Variants in SPART observed in about 807,000 individuals in gnomAD.
The protein encoded by SPART is spastic paraplegia 20 (Troyer syndrome).
A neutral mutation model predicts 58.7 loss-of-function variants in SPART; 35 were observed. The ratio of observed to expected loss-of-function variants is 0.60; its 90% CI spans 0.46 to 0.79. SPART has a LOEUF of 0.79. Ranked by LOEUF, SPART falls within the 30% of genes least tolerant of loss-of-function variation. The probability of loss-of-function intolerance (pLI) is 0.00; values close to 1 mark genes in which losing one functional copy is unlikely to be tolerated. For missense variants in SPART, 730 were observed against 786.1 expected (o/e 0.93, Z 0.85); for synonymous variants, 284 against 280.7 (o/e 1.01, Z -0.12).
At chr13:36,306,134 C>T (rs184599719) in intron 8 of SPART, among the ~76,000 whole-genome samples, 1 of 152,252 alleles carries the variant, frequency 6.6e-6, no homozygotes, top group East Asian at 1.9e-4. Flanking sequence ...TCAAACCTTC[C>T]AAGTCTGTAC....
intron 1 of SPART, among the ~76,000 whole-genome samples, chr13:36,355,489 T>G (rs1036679936): frequency 1.3e-5 from 2 of 152,192 alleles, no homozygotes; most frequent in African/African-American, 4.8e-5. Context: ...AAGGGACAGC[T>G]ATTTTCAGTC....
intron 5 of SPART, among the ~76,000 whole-genome samples, chr13:36,322,899 C>A (rs1224777422): frequency 6.6e-6 from 1 of 152,164 alleles, no homozygotes; most frequent in Non-Finnish European, 1.5e-5. Flanking sequence ...GAAGACTGTA[C>A]TAGGCCAATG....
chr13:36,348,255 A>G (rs1369574357), upstream of SPART, among the ~76,000 whole-genome samples: 1 of 152,230 alleles, frequency 6.6e-6, no homozygotes, highest in African/African-American at 2.4e-5. Context: ...ACTGCACCCC[A>G]GCCTGGGCAA....
rs1883461649 is a variant in SPART, at chr13:36,331,547, T to C, written c.860A>G (p.Lys287Arg). The C allele has an allele frequency of 1.9e-6, 3 of 1,613,924 alleles. No individual in the cohort carries two copies. Among genetic ancestry groups the C allele is most frequent in the African/African-American group, 1.3e-5 (1 of 74,886 alleles). Residue 287 changes from lysine to arginine, a missense_variant, in exon 3 of 9, where the codon AAA (lysine) becomes AGA (arginine). By Grantham distance (26) the Lys-to-Arg change is conservative (BLOSUM62 2). Coordinates refer to ENST00000438666, the MANE Select transcript of SPART (RefSeq NM_015087.5). Reference sequence around the variant, plus strand: ...AAACATGTAGGCTCCCGCAGTACATTTCAGAACCGGAGATCTATCAGGAAC... The same window carrying C: ...AAACATGTAGGCTCCCGCAGTACATCTCAGAACCGGAGATCTATCAGGAAC... ...PLVPDRSPVLKCTAGAYMFPD... is the reference protein window; with the variant it reads ...PLVPDRSPVLRCTAGAYMFPD...
intron 5 of SPART, among the ~76,000 whole-genome samples, chr13:36,318,761 C>T (rs1475274860): frequency 2.0e-5 from 3 of 152,108 alleles, no homozygotes; most frequent in African/African-American, 7.2e-5. Context: ...GCCCGCAGCC[C>T]GGGATTCCTC....
chr13:36,362,963 C>A (rs1231215553), intron 1 of SPART, among the ~76,000 whole-genome samples: 2 of 152,102 alleles, frequency 1.3e-5, no homozygotes, highest in Non-Finnish European at 2.9e-5. Flanking sequence ...GGCAGAACTG[C>A]TAAATCGGGG....
At chr13:36,340,920 CATAAT>C (rs1210238871) in intron 1 of SPART, among the ~76,000 whole-genome samples, 1 of 152,042 alleles carries the variant, frequency 6.6e-6, no homozygotes, top group Non-Finnish European at 1.5e-5. Context: ...TGATTGGTGT[CATAAT>C]ATACACAATG....
intron 5 of SPART, among the ~76,000 whole-genome samples, chr13:36,320,637 C>G (rs1489248394): frequency 6.6e-6 from 1 of 152,130 alleles, no homozygotes; most frequent in Admixed American, 6.5e-5. Flanking sequence ...ACATCAAGCT[C>G]GAGGATTTGC....
chr13:36,367,937 T>G (rs914225350), intron 1 of SPART, among the ~76,000 whole-genome samples: 1 of 152,236 alleles, frequency 6.6e-6, no homozygotes, highest in South Asian at 2.1e-4. Flanking sequence ...CGGATAATCA[T>G]TTGCCTCTGC....
intron 4 of SPART, among the ~76,000 whole-genome samples, chr13:36,328,210 T>G (rs1029262101): frequency 2.6e-5 from 4 of 152,212 alleles, no homozygotes; most frequent in Non-Finnish European, 4.4e-5. Context: ...ATGTTCAACA[T>G]AAACCACAGT....
chr13:36,308,129 CAAAT>C (rs1240361826), intron 8 of SPART, among the ~76,000 whole-genome samples: 1 of 151,948 alleles, frequency 6.6e-6, no homozygotes, highest in African/African-American at 2.4e-5. Flanking sequence ...TGTATGTAAA[CAAAT>C]AAGAACAAAA....
intron 5 of SPART, among the ~76,000 whole-genome samples, chr13:36,321,080 C>A (rs1882329259): frequency 6.6e-6 from 1 of 152,200 alleles, no homozygotes. Context: ...CTACAGGGTA[C>A]AGCCCATTTA....
intron 1 of SPART, among the ~76,000 whole-genome samples, chr13:36,337,701 A>G (rs902341263): frequency 2.0e-5 from 3 of 152,174 alleles, no homozygotes; most frequent in Non-Finnish European, 2.9e-5. Flanking sequence ...AAAACGGACT[A>G]ATACAGTAGC....
At chr13:36,305,381 T>C (rs1431221060) in intron 8 of SPART, among the ~76,000 whole-genome samples, 2 of 152,166 alleles carry the variant, frequency 1.3e-5, no homozygotes, top group Non-Finnish European at 2.9e-5. Context: ...ACTTTCTACA[T>C]ACTATAGAAC....
chr13:36,354,557 A>T (rs1885547625), intron 1 of SPART, among the ~76,000 whole-genome samples: 1 of 152,246 alleles, frequency 6.6e-6, no homozygotes, highest in South Asian at 2.1e-4. Flanking sequence ...ACATGTTGTC[A>T]TGCATCATTG....
intron 1 of SPART, among the ~76,000 whole-genome samples, chr13:36,343,549 C>T (rs1566140060): frequency 6.6e-6 from 1 of 152,046 alleles, no homozygotes; most frequent in Non-Finnish European, 1.5e-5. Context: ...TGTAAGTTAA[C>T]CAAAAGTGTG....
chr13:36,359,811 T>C (rs1223863633), intron 1 of SPART, among the ~76,000 whole-genome samples: 2 of 151,444 alleles, frequency 1.3e-5, no homozygotes, highest in Non-Finnish European at 2.9e-5. Context: ...GTGTCATCTG[T>C]GTCCTCACTG....
intron 1 of SPART, among the ~76,000 whole-genome samples, chr13:36,342,652 A>G (rs890266428): frequency 1.1e-4 from 16 of 152,204 alleles, no homozygotes; most frequent in Non-Finnish European, 1.9e-4. Flanking sequence ...GTCTCCAGAC[A>G]TTGCCAAATG....
At chr13:36,333,669 T>C (rs997218967) in intron 2 of SPART, among the ~76,000 whole-genome samples, 1 of 152,202 alleles carries the variant, frequency 6.6e-6, no homozygotes, top group Non-Finnish European at 1.5e-5. Flanking sequence ...TTTCAATGGA[T>C]GAGTGAATGT....
Sources: gnomAD v4.1 joint callset for allele counts (sites outside exome capture counted in the v4.1 genomes callset) on GRCh38, gnomAD v4.1.1 for gene constraint, MANE v1.5 for transcripts, NCBI Gene and HGNC (gene_info 2026-07-23, HGNC 2026-07-21) for gene names.